The following HTR1F variants were observed in gnomAD, a reference collection of about 807,000 sequenced individuals.
The protein encoded by HTR1F is 5-hydroxytryptamine (serotonin) receptor 1F, G protein-coupled.
A neutral mutation model predicts 24.0 loss-of-function variants in HTR1F; 17 were observed. That is an observed-to-expected ratio of 0.71 (90% CI 0.48 to 1.06). The LOEUF is 1.06. Among genes scored for constraint, HTR1F ranks in the 50% least tolerant of loss-of-function variants. The pLI is 0.00. For missense variants in HTR1F, 391 were observed against 427.8 expected (o/e 0.91, Z 0.76); for synonymous variants, 186 against 156.8 (o/e 1.19, Z -1.39).
chr3:87,879,080 A>G (rs923847379), intron 2 of HTR1F, among the ~76,000 whole-genome samples: 5 of 152,158 alleles, frequency 3.3e-5, no homozygotes, highest in Non-Finnish European at 7.4e-5. Flanking sequence ...GAAACAGTAT[A>G]TGCTGTGAAT....
chr3:87,955,111 C>T (rs892867393), intron 2 of HTR1F, among the ~76,000 whole-genome samples: 92 of 151,322 alleles, frequency 6.1e-4, no homozygotes, highest in African/African-American at 1.4e-3. Flanking sequence ...CAAAATTCTA[C>T]GAATTTTAAT....
At chr3:87,955,147 C>T (rs1355186220) in intron 2 of HTR1F, among the ~76,000 whole-genome samples, 1 of 151,408 alleles carries the variant, frequency 6.6e-6, no homozygotes, top group Admixed American at 6.6e-5. Flanking sequence ...GAAGCCACCA[C>T]CATAATCAAA....
At chr3:87,856,690 G>C (rs1355632211) in intron 2 of HTR1F, among the ~76,000 whole-genome samples, 1 of 151,938 alleles carries the variant, frequency 6.6e-6, no homozygotes, top group Admixed American at 6.6e-5. Context: ...AAACCAAAAA[G>C]ATAAAATTTA....
At chr3:87,905,766 A>C (rs1008642953) in intron 2 of HTR1F, among the ~76,000 whole-genome samples, 1 of 152,044 alleles carries the variant, frequency 6.6e-6, no homozygotes, top group African/African-American at 2.4e-5. Context: ...CTATCATTCT[A>C]ATCTTTCTTC....
chr3:87,795,858 G>A (rs1241258730), intron 1 of HTR1F, among the ~76,000 whole-genome samples: 1 of 151,974 alleles, frequency 6.6e-6, no homozygotes, highest in Non-Finnish European at 1.5e-5. Context: ...ACAGAAATAG[G>A]CAAAAATTAC....
intron 2 of HTR1F, among the ~76,000 whole-genome samples, chr3:87,978,867 TGGAAGGAAGGGAGGGA>T (rs1171456142): frequency 1.9e-5 from 1 of 52,276 alleles, no homozygotes; most frequent in East Asian, 6.3e-4. Context: ...GAAAGAAGGA[TGGAAGGAAGGGAGGGA>T]GGGAGGGAGG....
chr3:87,895,677 C>T (rs1167345673), intron 2 of HTR1F, among the ~76,000 whole-genome samples: 1 of 152,136 alleles, frequency 6.6e-6, no homozygotes, highest in African/African-American at 2.4e-5. Context: ...TTTCAACCAT[C>T]ATCTTTACAT....
At chr3:87,796,448 T>C (rs1703907112) in intron 1 of HTR1F, among the ~76,000 whole-genome samples, 2 of 152,120 alleles carry the variant, frequency 1.3e-5, no homozygotes, top group African/African-American at 4.8e-5. Context: ...GTGTGAGTCA[T>C]CATTATATAA....
chr3:87,965,405 A>C (rs184061622), intron 2 of HTR1F, among the ~76,000 whole-genome samples: 19 of 152,292 alleles, frequency 1.2e-4, no homozygotes, highest in Admixed American at 2.6e-4. Context: ...TACTTTTCAT[A>C]TATATTGCAA....
chr3:87,876,025 C>T (rs1231676487), intron 2 of HTR1F, among the ~76,000 whole-genome samples: 1 of 151,768 alleles, frequency 6.6e-6, no homozygotes, highest in African/African-American at 2.4e-5. Flanking sequence ...CATTAGTCAC[C>T]AGTGAAATGC....
At chr3:87,920,017 ATATATGTAATAT>A (rs1013930047) in intron 2 of HTR1F, among the ~76,000 whole-genome samples, 37 of 122,698 alleles carry the variant, frequency 3.0e-4, no homozygotes, top group African/African-American at 1.1e-3. Flanking sequence ...TGGGAGAGAT[ATATATGTAATAT>A]TATATATATA....
intron 2 of HTR1F, among the ~76,000 whole-genome samples, chr3:87,989,589 C>T (rs1302500736): frequency 6.6e-6 from 1 of 152,098 alleles, no homozygotes. Context: ...ACCTCCATAG[C>T]TTGACATAAA....
chr3:87,795,032 C>T (rs1239602666), intron 1 of HTR1F, among the ~76,000 whole-genome samples: 2 of 134,816 alleles, frequency 1.5e-5, no homozygotes, highest in African/African-American at 5.7e-5. Context: ...TCTGTCTCCA[C>T]GCTGGAGTGC....
At chr3:87,811,340 C>A (rs1233796166) in intron 1 of HTR1F, among the ~76,000 whole-genome samples, 2 of 151,100 alleles carry the variant, frequency 1.3e-5, no homozygotes, top group Non-Finnish European at 2.9e-5. Context: ...TAGTTCCTGG[C>A]AAGACTGCAC....
At chr3:87,881,414 C>T (rs1236219942) in intron 2 of HTR1F, among the ~76,000 whole-genome samples, 3 of 152,100 alleles carry the variant, frequency 2.0e-5, no homozygotes, top group Non-Finnish European at 4.4e-5. Flanking sequence ...AGTAGGTAAA[C>T]AAAGCAGCCT....
intron 2 of HTR1F, among the ~76,000 whole-genome samples, chr3:87,853,166 GGTATTAAGCCTA>G (rs1200910127): frequency 6.7e-6 from 1 of 149,704 alleles, no homozygotes; most frequent in Non-Finnish European, 1.5e-5. Flanking sequence ...TTGTCACACA[GGTATTAAGCCTA>G]GTACCCATTA....
In HTR1F at chr3:87,990,876, C is replaced by T. The variant is rs1474299454; in HGVS notation, c.127C>T (p.Leu43Phe). The T allele has an allele frequency of 1.2e-6, 2 of 1,614,188 alleles. No homozygotes were observed. The highest frequency in any genetic ancestry group is 1.6e-4 in the Middle Eastern group (1 of 6,062). The change falls in exon 3 of 3, where the codon CTT becomes TTT. Residue 43 changes from leucine to phenylalanine, a missense_variant. Leu to Phe is a conservative substitution (Grantham distance 22). Coordinates refer to ENST00000319595, the MANE Select transcript of HTR1F (RefSeq NM_001322209.2). The stretch of plus-strand genomic sequence containing the variant: ...ACTGATGACAACAACTATCAACTCC[C>T]TTGTGATCGCTGCAATTATTGTGAC... ...LALMTTTINS[L>F]VIAAIIVTRK...
At chr3:87,884,030 G>A (rs1705874422) in intron 2 of HTR1F, among the ~76,000 whole-genome samples, 1 of 152,062 alleles carries the variant, frequency 6.6e-6, no homozygotes, top group Non-Finnish European at 1.5e-5. Context: ...GCTACCCCAA[G>A]ACACATAATT....
intron 2 of HTR1F, among the ~76,000 whole-genome samples, chr3:87,990,154 T>G (rs185739936): frequency 1.0e-3 from 158 of 152,300 alleles, no homozygotes; most frequent in Non-Finnish European, 1.9e-3. Context: ...CCAATAAAAC[T>G]TGTTCATCCT....
Sources: allele counts gnomAD v4.1 joint callset (sites outside exome capture counted in the v4.1 genomes callset), GRCh38; gene constraint gnomAD v4.1.1; transcripts MANE v1.5; gene names NCBI Gene and HGNC (gene_info 2026-07-23, HGNC 2026-07-21).